Variants in PITPNM3 observed in about 807,000 individuals in gnomAD.
PITPNM3 encodes the protein membrane-associated phosphatidylinositol transfer protein 3.
Under a neutral mutation model 102.0 loss-of-function variants are expected in PITPNM3, and 26 were observed. The ratio of observed to expected loss-of-function variants is 0.25; its 90% CI spans 0.19 to 0.35. PITPNM3 has a LOEUF of 0.35. Among genes scored for constraint, PITPNM3 ranks in the 10% least tolerant of loss-of-function variants. The probability of loss-of-function intolerance (pLI) is 1.00; values close to 1 mark genes in which losing one functional copy is unlikely to be tolerated. For missense variants in PITPNM3, 1,083 were observed against 1,346.1 expected (o/e 0.80, Z 3.06); for synonymous variants, 578 against 558.6 (o/e 1.03, Z -0.49).
Position 6,463,834 on chromosome 17 carries a change from C to A in PITPNM3, c.2204G>T (p.Gly735Val), listed in dbSNP as rs770938798. ...AATGCTGAACACTACACACTCCATGCCCCTGGGCAACACCGTGAGGTAGCT... is the reference window on the plus strand; with the variant it reads ...AATGCTGAACACTACACACTCCATGACCCTGGGCAACACCGTGAGGTAGCT... ...AMSYLTVLPRGMECVVFSIDG... is the reference protein window; with the variant it reads ...AMSYLTVLPRVMECVVFSIDG... Residue 735 changes from glycine to valine, a missense_variant, in exon 17 of 20, where the codon GGC becomes GTC. By Grantham distance (109) the Gly-to-Val change is moderately radical (BLOSUM62 -3). Around this residue, in one of 5 missense-constraint regions of PITPNM3, gnomAD observed 410 missense variants for 638.4 expected, o/e 0.64. Transcript: ENST00000262483. 6.2e-7 allele frequency: 1 copy of A among 1,613,994 alleles called. No individual in the cohort carries two copies. The highest frequency in any genetic ancestry group is 8.5e-7 in the Non-Finnish European group (1 of 1,180,000).
At chr17:6,548,795 G>A (rs1043305735) in intron 1 of PITPNM3, among the ~76,000 whole-genome samples, 1 of 152,152 alleles carries the variant, frequency 6.6e-6, no homozygotes, top group African/African-American at 2.4e-5. Context: ...GGCAAACACG[G>A]TGTCAGCAGC....
At chr17:6,544,170 G>A (rs974354562) in intron 1 of PITPNM3, among the ~76,000 whole-genome samples, 3 of 152,316 alleles carry the variant, frequency 2.0e-5, no homozygotes, top group South Asian at 2.1e-4. Flanking sequence ...CCCTGCCTAC[G>A]GCTATATCAG....
At chr17:6,525,927 G>A (rs1908809525) in intron 2 of PITPNM3, among the ~76,000 whole-genome samples, 1 of 152,236 alleles carries the variant, frequency 6.6e-6, no homozygotes, top group Non-Finnish European at 1.5e-5. Flanking sequence ...TCTTAGTGCA[G>A]AGGAGGTGCT....
intron 9 of PITPNM3, among the ~76,000 whole-genome samples, chr17:6,476,658 C>T (rs1023552533): frequency 8.5e-5 from 13 of 152,214 alleles, no homozygotes; most frequent in African/African-American, 2.2e-4. Flanking sequence ...ACACACACCT[C>T]GGGTGACTCA....
At chr17:6,503,231 C>T (rs1907290125) in intron 4 of PITPNM3, among the ~76,000 whole-genome samples, 1 of 152,178 alleles carries the variant, frequency 6.6e-6, no homozygotes, top group Admixed American at 6.5e-5. Context: ...CACTCCCAAC[C>T]CACCAGCCTC....
At chr17:6,493,307 A>G in intron 4 of PITPNM3, among the ~76,000 whole-genome samples, 1 of 152,196 alleles carries the variant, frequency 6.6e-6, no homozygotes, top group Non-Finnish European at 1.5e-5. Context: ...ACAGAGCAGG[A>G]AAGCTATAGA....
rs1913897382 is a variant in PITPNM3 at position 6,452,666 on chromosome 17, T to C, written c.*2672A>G. ...AAGCAGTACTGAAACATACCTTGTC[T>C]CGCCACTAAACAGAACCGCAGGTAC... On this transcript the variant is annotated 3_prime_UTR_variant, in exon 20 of 20. Coordinates refer to ENST00000262483, the MANE Select transcript of PITPNM3 (RefSeq NM_031220.4). The C allele has an allele frequency of 6.6e-6, 1 of 152,220 alleles. No individual in the cohort carries two copies. The highest frequency in any genetic ancestry group is 2.4e-5 in the African/African-American group (1 of 41,442). 9.4% of individuals were successfully genotyped at this position (152,220 alleles called of 1,614,324 possible).
Position 6,470,556 on chromosome 17 carries a change from G to T in PITPNM3, c.1625-148C>A. The T allele has an allele frequency of 9.8e-7, 1 of 1,016,824 alleles. No individual in the cohort carries two copies. The highest frequency in any genetic ancestry group is 1.5e-6 in the Non-Finnish European group (1 of 667,630). 63.0% of individuals were successfully genotyped at this position (1,016,824 alleles called of 1,614,324 possible). On this transcript the variant is annotated intron_variant, in intron 12 of 19. Coordinates refer to ENST00000262483, the MANE Select transcript of PITPNM3 (RefSeq NM_031220.4). The surrounding 1 kb of genome is among the most constrained non-coding windows in gnomAD (Gnocchi z 4.8). ...GAGCACCCTGGCCTGGAGGAGGCCTGGGGAACGCGCTGCTCTTCCTCCTTC... is the reference window on the plus strand; with the variant it reads ...GAGCACCCTGGCCTGGAGGAGGCCTTGGGAACGCGCTGCTCTTCCTCCTTC...
intron 11 of PITPNM3, 37 bp from the exon 12 acceptor site, chr17:6,471,392 G>C (rs1905068591): frequency 6.6e-7 from 1 of 1,506,240 alleles, no homozygotes; most frequent in African/African-American, 1.4e-5. Context: ...TGAGTCACGT[G>C]TCTCCAGCAG....
At chr17:6,522,346 G>C (rs1597400568) in intron 3 of PITPNM3, among the ~76,000 whole-genome samples, 1 of 151,980 alleles carries the variant, frequency 6.6e-6, no homozygotes, top group Admixed American at 6.6e-5. Flanking sequence ...GAACTGGAGG[G>C]ATGAGAGCAG....
intron 4 of PITPNM3, among the ~76,000 whole-genome samples, chr17:6,487,241 G>A (rs182905365): frequency 3.3e-5 from 5 of 152,318 alleles, no homozygotes; most frequent in Admixed American, 1.3e-4. Context: ...TGTGTGACCT[G>A]TGTCTCAGTT....
intron 2 of PITPNM3, among the ~76,000 whole-genome samples, chr17:6,528,581 G>A (rs1278282778): frequency 6.6e-6 from 1 of 152,012 alleles, no homozygotes; most frequent in Non-Finnish European, 1.5e-5. Flanking sequence ...ATATGTGCAT[G>A]TGTGTGCATA....
rs761304670 is a variant in PITPNM3 at position 6,457,769 on chromosome 17, C to G, written c.2491-47G>C. On this transcript the variant is annotated intron_variant, in intron 18 of 19. Transcript: ENST00000262483. This position sits in a 1 kb window ranked among gnomAD's most constrained non-coding sequence, Gnocchi z 4.7. ...GGGGGAGAGTGAGGCCAGCCCACCC[C>G]CTGGAAAGCCTTCCCAGGCCAACCC... 5.8e-6 allele frequency: 9 copies of G among 1,552,652 alleles called. No individual in the cohort carries two copies. Among genetic ancestry groups the G allele is most frequent in the Non-Finnish European group, 7.8e-6 (9 of 1,148,560 alleles).
chr17:6,487,130 G>T (rs1202929467), intron 4 of PITPNM3, among the ~76,000 whole-genome samples: 3 of 152,202 alleles, frequency 2.0e-5, no homozygotes. Context: ...AACCAGGAGT[G>T]ATGGCAGGGC....
chr17:6,478,730 G>C lies in PITPNM3; in HGVS notation c.594C>G (p.Asn198Lys). 6.4e-7 allele frequency: 1 copy of C among 1,572,202 alleles called. No homozygotes were observed. The change falls in exon 7 of 20, where the codon AAC becomes AAG. Residue 198 changes from asparagine to lysine, a missense_variant. Asn to Lys is a moderately conservative substitution (Grantham distance 94). Coordinates refer to ENST00000262483, the MANE Select transcript of PITPNM3 (RefSeq NM_031220.4). The surrounding 1 kb of genome is among the most constrained non-coding windows in gnomAD (Gnocchi z 4.4). ...GGCAGCCCTCATCGTGGCTGTAGGG[G>C]TTCAGGCTGCAGACAGGGGGCCCAA... ...SEAFSLVSHLNPYSHDEGCLS... is the reference protein window; with the variant it reads ...SEAFSLVSHLKPYSHDEGCLS...
chr17:6,469,196 C>T lies in PITPNM3; in HGVS notation c.1774-855G>A, dbSNP rs933013328. On this transcript the variant is annotated intron_variant, in intron 13 of 19. Coordinates refer to ENST00000262483, the MANE Select transcript of PITPNM3 (RefSeq NM_031220.4). This position sits in a 1 kb window ranked among gnomAD's most constrained non-coding sequence, Gnocchi z 4.0. ...TCGCCAGTTGTAAATGCCGTCCAAG[C>T]TCTGATGACACCCACATTTTTATCT... Among the ~76,000 whole-genome samples, 3 of 152,198 alleles carry T rather than the reference C, an allele frequency of 2.0e-5. No individual in the cohort carries two copies. Among genetic ancestry groups the T allele is most frequent in the African/African-American group, 7.2e-5 (3 of 41,440 alleles).
chr17:6,452,139 T>G lies in PITPNM3; in HGVS notation c.*3199A>C, dbSNP rs1003148611. The G allele has an allele frequency of 6.6e-6, 1 of 152,204 alleles. No individual in the cohort carries two copies. The highest frequency in any genetic ancestry group is 1.5e-5 in the Non-Finnish European group (1 of 68,052). 9.4% of individuals were successfully genotyped at this position (152,204 alleles called of 1,614,324 possible). ...AATACTGGGATTCAAACACATTTGT[T>G]TGCTGTAGCCCAGCACCCAGACAAG... On this transcript the variant is annotated 3_prime_UTR_variant, in exon 20 of 20. Coordinates refer to ENST00000262483, the MANE Select transcript of PITPNM3 (RefSeq NM_031220.4).
chr17:6,490,638 A>G lies in PITPNM3; in HGVS notation c.275-6346T>C, dbSNP rs187491115. ...CAAGTCCTGGGGCAAATTAATAAAC[A>G]AACGCTTTGAGGACCCTTAGAAAAG... On this transcript the variant is annotated intron_variant, in intron 4 of 19. Coordinates refer to ENST00000262483, the MANE Select transcript of PITPNM3 (RefSeq NM_031220.4). Among the ~76,000 whole-genome samples, 34 of 152,130 alleles carry G rather than the reference A, an allele frequency of 2.2e-4. No individual in the cohort carries two copies. The East Asian group carries it at 6.4e-3, about 29-fold the overall frequency.
In PITPNM3 at chr17:6,455,209, A is replaced by T; in HGVS notation, c.*129T>A. The T allele has an allele frequency of 8.1e-7, 1 of 1,228,948 alleles. No individual in the cohort carries two copies. The highest frequency in any genetic ancestry group is 1.1e-6 in the Non-Finnish European group (1 of 914,382). The allele number at this position is 1,228,948 out of a possible 1,614,324, so 76.1% of individuals were successfully genotyped here. On this transcript the variant is annotated 3_prime_UTR_variant, in exon 20 of 20. Transcript: ENST00000262483. Reference sequence around the variant, plus strand: ...CAGGATCCCTCCCCGCTCTGGTCGGACACTGCTGGACAGACACGGGAGGGA... The same window carrying T: ...CAGGATCCCTCCCCGCTCTGGTCGGTCACTGCTGGACAGACACGGGAGGGA...
Sources: gnomAD v4.1 joint callset for allele counts (sites outside exome capture counted in the v4.1 genomes callset) on GRCh38, gnomAD v4.1.1 for gene constraint, gnomAD v4.1.1 regional missense constraint, Gnocchi (gnomAD v3.1) non-coding constraint, MANE v1.5 for transcripts, NCBI Gene and HGNC (gene_info 2026-07-23, HGNC 2026-07-21) for gene names.